CNTN5: variants seen among roughly 807,000 people sequenced by gnomAD.
CNTN5 encodes the protein contactin-5.
CNTN5 carries 77 observed loss-of-function variants against 129.1 expected under a neutral mutation model. That is an observed-to-expected ratio of 0.60 (90% CI 0.50 to 0.72). The LOEUF (loss-of-function observed/expected upper bound fraction) is 0.72. Among genes scored for constraint, CNTN5 ranks in the 30% least tolerant of loss-of-function variants. The probability of loss-of-function intolerance (pLI) is 0.00; values close to 1 mark genes in which losing one functional copy is unlikely to be tolerated. For synonymous variants in CNTN5, 509 were observed against 465.6 expected, an observed-to-expected ratio of 1.09 and a Z score of -1.20; for missense variants, 1,478 against 1,328.8, an observed-to-expected ratio of 1.11 and a Z score of -1.75.
intron 1 of CNTN5, among the ~76,000 whole-genome samples, chr11:99,224,884 A>G (rs773752927): frequency 9.9e-5 from 15 of 151,956 alleles, no homozygotes; most frequent in Non-Finnish European, 1.5e-4. Context: ...TTTATTTTGA[A>G]AAACTGGAAG....
At chr11:99,146,113 T>A (rs2135475491) in intron 1 of CNTN5, among the ~76,000 whole-genome samples, 1 of 152,256 alleles carries the variant, frequency 6.6e-6, no homozygotes, top group African/African-American at 2.4e-5. Flanking sequence ...TCAACCAAGC[T>A]AATTAAACCA....
At chr11:100,334,455 G>A (rs572127992) in intron 21 of CNTN5, among the ~76,000 whole-genome samples, 12 of 152,116 alleles carry the variant, frequency 7.9e-5, no homozygotes, top group Middle Eastern at 6.8e-3. Flanking sequence ...AAAAGAAGTC[G>A]TTATACGAAA....
intron 1 of CNTN5, among the ~76,000 whole-genome samples, chr11:99,067,626 T>G (rs1359427858): frequency 6.6e-6 from 1 of 152,088 alleles, no homozygotes; most frequent in Non-Finnish European, 1.5e-5. Flanking sequence ...AAGTAAAAAT[T>G]AAAAAGCTTT....
Position 99,182,900 on chromosome 11 carries a change from G to A in CNTN5, c.-209-142446G>A, listed in dbSNP as rs1301486578. On this transcript the variant is annotated intron_variant, in intron 1 of 24. Transcript: ENST00000524871. The stretch of plus-strand genomic sequence containing the variant: ...AAATATAATATGCAATCAAGAAGAT[G>A]CTAAAAGGATAGTAGATAGCATTAA... 5.3e-5 allele frequency among the ~76,000 whole-genome samples: 8 copies of A among 152,136 alleles called. No individual in the cohort carries two copies. The East Asian group carries it at 9.7e-4, about 18-fold the overall frequency.
At chr11:99,749,702 G>A (rs1039071785) in intron 3 of CNTN5, among the ~76,000 whole-genome samples, 1 of 152,164 alleles carries the variant, frequency 6.6e-6, no homozygotes, top group African/African-American at 2.4e-5. Context: ...ATTTTCTCAT[G>A]TGGGTTAAAA....
At chr11:99,406,047 C>T (rs912538846) in intron 2 of CNTN5, among the ~76,000 whole-genome samples, 1 of 151,510 alleles carries the variant, frequency 6.6e-6, no homozygotes, top group African/African-American at 2.4e-5. Context: ...GGATTGGTCC[C>T]TAGTCCTTTA....
chr11:99,851,822 C>T (rs1947883253), intron 6 of CNTN5, among the ~76,000 whole-genome samples: 2 of 152,220 alleles, frequency 1.3e-5, no homozygotes, highest in South Asian at 4.1e-4. Context: ...TTTAATTTAA[C>T]CTTTCATTTT....
chr11:99,493,283 C>G (rs558272461), intron 2 of CNTN5, among the ~76,000 whole-genome samples: 2 of 152,316 alleles, frequency 1.3e-5, no homozygotes, highest in African/African-American at 4.8e-5. Context: ...GTTTAAGTCA[C>G]AGTTTCAAAA....
rs576754009 is a variant in CNTN5, at chr11:100,332,361, A to G, written c.2731-8102A>G. Reference sequence around the variant, plus strand: ...TTATTTAAAAATTGCCAACAAAAAAAAAGTCGAGGATCACATGGATTCACA... The same window carrying G: ...TTATTTAAAAATTGCCAACAAAAAAGAAGTCGAGGATCACATGGATTCACA... On this transcript the variant is annotated intron_variant, in intron 21 of 24. Transcript: ENST00000524871. Among the ~76,000 whole-genome samples, 7 of 152,264 alleles carry G rather than the reference A, an allele frequency of 4.6e-5. No individual in the cohort carries two copies. In the East Asian group the frequency reaches 1.4e-3, roughly 29 times the overall value.
In CNTN5 at chr11:99,775,645, C is replaced by G. The variant is rs186643507; in HGVS notation, c.56-43899C>G. On this transcript the variant is annotated intron_variant, in intron 3 of 24. Transcript: ENST00000524871. ...AAGTTTTCTTCGGGCATATGCAAAA[C>G]TATTGGATGTATTAGATAATCTCTG... 1.3e-3 allele frequency among the ~76,000 whole-genome samples: 203 copies of G among 152,044 alleles called. 1 individual carries two copies. The highest frequency in any genetic ancestry group is 4.7e-3 in the African/African-American group (197 of 41,510).
intron 6 of CNTN5, among the ~76,000 whole-genome samples, chr11:99,866,394 C>T (rs1018631481): frequency 9.2e-5 from 14 of 152,026 alleles, no homozygotes; most frequent in Admixed American, 6.6e-4. Context: ...GTGCTTGGAA[C>T]ATTATTAGAT....
rs953305748 is a variant in CNTN5 at position 100,182,759 on chromosome 11, C to T, written c.1581-8367C>T. Reference sequence around the variant, plus strand: ...GTTAGGTAAATATTTCTGAATAAAACAAAAGCACAATGCATAAAATAAAAT... The same window carrying T: ...GTTAGGTAAATATTTCTGAATAAAATAAAAGCACAATGCATAAAATAAAAT... On this transcript the variant is annotated intron_variant, in intron 13 of 24. Transcript: ENST00000524871. Among the ~76,000 whole-genome samples, 4 of 151,750 alleles carry T rather than the reference C, an allele frequency of 2.6e-5. No individual in the cohort carries two copies. The South Asian group carries it at 6.2e-4, about 24-fold the overall frequency.
chr11:99,544,949 T>C (rs1447771285), intron 2 of CNTN5, among the ~76,000 whole-genome samples: 1 of 152,366 alleles, frequency 6.6e-6, no homozygotes, highest in Middle Eastern at 3.4e-3. Context: ...TTTTCCTTCA[T>C]TGAGATTTCT....
At chr11:99,934,447 G>A (rs932803375) in intron 7 of CNTN5, among the ~76,000 whole-genome samples, 18 of 152,228 alleles carry the variant, frequency 1.2e-4, no homozygotes, top group African/African-American at 2.6e-4. Context: ...CCACGTGCAC[G>A]TGATAAAAGC....
At chr11:99,430,735 G>T (rs1591043594) in intron 2 of CNTN5, among the ~76,000 whole-genome samples, 2 of 151,514 alleles carry the variant, frequency 1.3e-5, no homozygotes, top group African/African-American at 4.8e-5. Flanking sequence ...ACAAAAGGTT[G>T]GGGGGGCGGG....
At chr11:99,024,582 A>G (rs1327131364) in intron 1 of CNTN5, among the ~76,000 whole-genome samples, 1 of 152,112 alleles carries the variant, frequency 6.6e-6, no homozygotes, top group Admixed American at 6.6e-5. Flanking sequence ...ATTAATCCCC[A>G]TAAATTAAAA....
At chr11:100,338,762 TG>T (rs1293800628) in intron 21 of CNTN5, among the ~76,000 whole-genome samples, 8 of 152,146 alleles carry the variant, frequency 5.3e-5, no homozygotes, top group Admixed American at 1.3e-4. Flanking sequence ...AAAATCTCCA[TG>T]TGGGACCCAT....
intron 1 of CNTN5, among the ~76,000 whole-genome samples, chr11:99,052,210 C>CAT (rs911966491): frequency 6.6e-6 from 1 of 151,626 alleles, no homozygotes; most frequent in Non-Finnish European, 1.5e-5. Flanking sequence ...CATATGTTTA[C>CAT]ATATATATAC....
At chr11:99,729,170 C>T (rs1034608548) in intron 3 of CNTN5, among the ~76,000 whole-genome samples, 2 of 152,064 alleles carry the variant, frequency 1.3e-5, no homozygotes, top group Non-Finnish European at 2.9e-5. Context: ...TAAGGTATAA[C>T]ATTCACGTGG....
Sources: allele counts gnomAD v4.1 joint callset (sites outside exome capture counted in the v4.1 genomes callset), GRCh38; gene constraint gnomAD v4.1.1; transcripts MANE v1.5; gene names NCBI Gene and HGNC (gene_info 2026-07-23, HGNC 2026-07-21).